Variants in MAPKAPK5 observed in about 807,000 individuals in gnomAD.
MAPKAPK5 encodes MAP kinase-activated protein kinase 5.
MAPKAPK5 carries 30 observed loss-of-function variants against 65.1 expected under a neutral mutation model. That is an observed-to-expected ratio of 0.46 (90% CI 0.34 to 0.63). The LOEUF (loss-of-function observed/expected upper bound fraction) is 0.63, where lower values mean the gene tolerates loss of function less well. MAPKAPK5 is among the 20% of genes least tolerant of loss of function. MAPKAPK5 has a pLI of 0.01. For synonymous variants in MAPKAPK5, 179 were observed against 204.6 expected (o/e 0.87, Z 1.07); for missense variants, 433 against 581.4 (o/e 0.74, Z 2.63).
At position 111,899,488 on chromosome 12, in the gene MAPKAPK5, C is replaced by T. The variant is rs1009865995; in HGVS notation, c.*6427C>T. On this transcript the variant is annotated 3_prime_UTR_variant, in exon 14 of 14. Transcript: ENST00000550735. ...TGTCACCTGGGATCAATCTATTACT[C>T]TTTCTATGAAATAATTATTCCAAAG... 2 of 174,596 alleles carry T rather than the reference C, an allele frequency of 1.1e-5. No individual in the cohort carries two copies. The highest frequency in any genetic ancestry group is 1.4e-4 in the East Asian group (1 of 7,146). The allele number at this position is 174,596 out of a possible 1,614,324, so 10.8% of individuals were successfully genotyped here.
intron 1 of MAPKAPK5, among the ~76,000 whole-genome samples, chr12:111,847,397 C>T (rs1014638563): frequency 6.6e-6 from 1 of 151,614 alleles, no homozygotes; most frequent in African/African-American, 2.4e-5. Context: ...AGTGGAGGCT[C>T]TATCTTCTAT....
chr12:111,856,203 G>T (rs2069234334), intron 1 of MAPKAPK5, among the ~76,000 whole-genome samples: 1 of 151,862 alleles, frequency 6.6e-6, no homozygotes, highest in Non-Finnish European at 1.5e-5. Flanking sequence ...TTTCCCTTCT[G>T]TTCATTTCTG....
In MAPKAPK5 at chr12:111,868,765, A is replaced by G; in HGVS notation, c.297A>G (p.Leu99=). Residue 99 remains leucine (L), a synonymous_variant, in exon 5 of 14, where the codon TTA becomes TTG. Coordinates refer to ENST00000550735, the MANE Select transcript of MAPKAPK5 (RefSeq NM_003668.4). ...PHESSPRARL[L]IVMEMMEGGE... is the part of the protein sequence containing the mutation. The stretch of plus-strand genomic sequence containing the variant: ...TGCTTTCAAACAGGGCCCGACTCTT[A>G]ATTGTAATGGAGATGATGGAAGGGG... 1 of 1,558,008 alleles carries G rather than the reference A, an allele frequency of 6.4e-7. No individual in the cohort carries two copies. The highest frequency in any genetic ancestry group is 1.2e-5 in the South Asian group (1 of 84,336).
chr12:111,867,917 T>C lies in MAPKAPK5; in HGVS notation c.284+248T>C, dbSNP rs16941698. On this transcript the variant is annotated intron_variant, in intron 4 of 13. Transcript: ENST00000550735. ...GATCCATCCTCAACAGTAATCCTCT[T>C]GTGGCCAGTCTAATTTCATCTATGC... Among the ~76,000 whole-genome samples the C allele has an allele frequency of 7.9e-3, 1,199 of 152,312 alleles. 16 individuals carry two copies. Among genetic ancestry groups the C allele is most frequent in the African/African-American group, 0.028 (1,152 of 41,552 alleles).
rs2070813983 is a variant in MAPKAPK5, at chr12:111,896,334, C to T, written c.*3273C>T. 1 of 152,142 alleles carries T rather than the reference C, an allele frequency of 6.6e-6. No homozygotes were observed. Among genetic ancestry groups the T allele is most frequent in the African/African-American group, 2.4e-5 (1 of 41,414 alleles). The allele number at this position is 152,142 out of a possible 1,614,324, so 9.4% of individuals were successfully genotyped here. A position where few individuals can be genotyped will look rare whatever the true frequency, so the allele number is the denominator to read the frequency against. On this transcript the variant is annotated 3_prime_UTR_variant, in exon 14 of 14. Coordinates refer to ENST00000550735, the MANE Select transcript of MAPKAPK5 (RefSeq NM_003668.4). ...CCTCAATGTAAGTGCTGTGTCCAGACACATCCAAATGAGCACCAAGCTGGA... is the reference window on the plus strand; with the variant it reads ...CCTCAATGTAAGTGCTGTGTCCAGATACATCCAAATGAGCACCAAGCTGGA...
intron 1 of MAPKAPK5, among the ~76,000 whole-genome samples, chr12:111,864,651 G>T (rs2069545504): frequency 6.6e-6 from 1 of 152,160 alleles, no homozygotes; most frequent in Admixed American, 6.5e-5. Context: ...CTAAACTGTT[G>T]AAAGTTATTT....
intron 8 of MAPKAPK5, among the ~76,000 whole-genome samples, chr12:111,881,578 G>A (rs1273762597): frequency 6.6e-6 from 1 of 151,496 alleles, no homozygotes. Flanking sequence ...CTAATGTTTT[G>A]TATTTTTAGG....
At chr12:111,886,167 T>A in intron 10 of MAPKAPK5, 131 bp downstream of exon 10, 1 of 1,317,908 alleles carries the variant, frequency 7.6e-7, no homozygotes, top group Non-Finnish European at 1.0e-6. Context: ...CATCTCTGGT[T>A]TCCTGAGAGT....
chr12:111,857,881 G>GT lies in MAPKAPK5; in HGVS notation c.37-7360dup, dbSNP rs372214089. 5.4e-3 allele frequency among the ~76,000 whole-genome samples: 810 copies of GT among 150,674 alleles called. 4 individuals are homozygous for GT. The highest frequency in any genetic ancestry group is 7.3e-3 in the Non-Finnish European group (493 of 67,636). On this transcript the variant is annotated intron_variant, in intron 1 of 13. Coordinates refer to ENST00000550735, the MANE Select transcript of MAPKAPK5 (RefSeq NM_003668.4). Reference sequence around the variant, plus strand: ...CATTATTTTCTCTTTCTCTTTCAGTGTTTTTTTTTGTGTGTGTGTGTTTGT... The same window carrying GT: ...CATTATTTTCTCTTTCTCTTTCAGTGTTTTTTTTTTGTGTGTGTGTGTTTGT...
At chr12:111,848,297 T>C (rs1424834506) in intron 1 of MAPKAPK5, among the ~76,000 whole-genome samples, 3 of 152,186 alleles carry the variant, frequency 2.0e-5, no homozygotes, top group African/African-American at 7.2e-5. Flanking sequence ...TGTAGTGGTA[T>C]TATGCTTTTA....
rs947286159 is a variant in MAPKAPK5 at position 111,880,457 on chromosome 12, C to T, written c.590C>T (p.Ala197Val). ...PYYVAPQVLE[A>V]QRRHQKEKSG... ...TCTGACTCTTGACAGGTACTGGAGG[C>T]GCAAAGAAGGCATCAGAAGGAGAAA... The change falls in exon 8 of 14, where the codon GCG (alanine) becomes GTG (valine). Residue 197 changes from alanine to valine, a missense_variant. Around this residue, in one of 3 missense-constraint regions of MAPKAPK5, gnomAD observed 99 missense variants for 185.8 expected, o/e 0.53. Transcript: ENST00000550735. The T allele has an allele frequency of 6.2e-6, 10 of 1,613,462 alleles. No homozygotes were observed. The highest frequency in any genetic ancestry group is 1.1e-5 in the South Asian group (1 of 91,072).
chr12:111,894,584 ATGTC>A lies in MAPKAPK5; in HGVS notation c.*1530_*1533del, dbSNP rs372335101. ...TAAGGCTGCCCTGTTTCTCTGTAAT[ATGTC>A]TGTCTGGGTTTTGTGTTGGCATCCT... On this transcript the variant is annotated 3_prime_UTR_variant, in exon 14 of 14. Transcript: ENST00000550735. 178 of 150,722 alleles carry A rather than the reference ATGTC, an allele frequency of 1.2e-3. 1 individual carries two copies. Among genetic ancestry groups the A allele is most frequent in the African/African-American group, 4.2e-3 (171 of 40,956 alleles). 9.3% of individuals were successfully genotyped at this position (150,722 alleles called of 1,614,324 possible). A position where few individuals can be genotyped will look rare whatever the true frequency, so the allele number is the denominator to read the frequency against.
chr12:111,849,312 A>G (rs186788877), intron 1 of MAPKAPK5, among the ~76,000 whole-genome samples: 1 of 146,592 alleles, frequency 6.8e-6, no homozygotes, highest in African/African-American at 2.5e-5. Context: ...CTGGAGTGCA[A>G]TGGCACGATC....
chr12:111,871,450 A>G (rs921407515), intron 7 of MAPKAPK5, among the ~76,000 whole-genome samples: 3 of 151,978 alleles, frequency 2.0e-5, no homozygotes, highest in Non-Finnish European at 4.4e-5. Context: ...ACCATCCTGG[A>G]TAACACGGTG....
intron 1 of MAPKAPK5, among the ~76,000 whole-genome samples, chr12:111,860,454 T>C (rs1419025234): frequency 6.6e-6 from 1 of 152,228 alleles, no homozygotes; most frequent in Non-Finnish European, 1.5e-5. Flanking sequence ...GTTCTGCCCA[T>C]CTAACAAAGA....
chr12:111,867,334 GAATT>G lies in MAPKAPK5; in HGVS notation c.187-237_187-234del, dbSNP rs2069647378. ...ATGCAAATAATTTCTAAAATGAAAT[GAATT>G]GTTTGCCAGATTTTCATTTGCAAAT... is the stretch of plus-strand genomic sequence containing the variant. On this transcript the variant is annotated intron_variant, in intron 3 of 13. Coordinates refer to ENST00000550735, the MANE Select transcript of MAPKAPK5 (RefSeq NM_003668.4). Among the ~76,000 whole-genome samples the G allele has an allele frequency of 3.3e-5, 5 of 152,186 alleles. No individual in the cohort carries two copies. In the South Asian group the frequency reaches 8.3e-4, roughly 25 times the overall value.
intron 10 of MAPKAPK5, among the ~76,000 whole-genome samples, chr12:111,886,939 TAC>T (rs2070424878): frequency 1.3e-5 from 2 of 152,224 alleles, no homozygotes; most frequent in African/African-American, 4.8e-5. Flanking sequence ...GAAAAATTTC[TAC>T]AGTTTTTCGT....
chr12:111,867,053 C>G (rs1419865745), intron 3 of MAPKAPK5, among the ~76,000 whole-genome samples: 1 of 152,158 alleles, frequency 6.6e-6, no homozygotes, highest in Non-Finnish European at 1.5e-5. Context: ...CCTCAGCCTC[C>G]TGAGTAGCTG....
At chr12:111,862,392 A>C (rs945713035) in intron 1 of MAPKAPK5, among the ~76,000 whole-genome samples, 1 of 152,196 alleles carries the variant, frequency 6.6e-6, no homozygotes, top group African/African-American at 2.4e-5. Flanking sequence ...CATCAGGTAG[A>C]GTACTAACTT....
Sources: gnomAD v4.1 joint callset for allele counts (sites outside exome capture counted in the v4.1 genomes callset) on GRCh38, gnomAD v4.1.1 for gene constraint, gnomAD v4.1.1 regional missense constraint, MANE v1.5 for transcripts, NCBI Gene and HGNC (gene_info 2026-07-23, HGNC 2026-07-21) for gene names.